Variants in LMO1 observed in about 807,000 individuals in gnomAD.
LMO1 encodes rhombotin-1.
Under a neutral mutation model 18.0 loss-of-function variants are expected in LMO1, and 10 were observed. The observed-to-expected ratio is 0.55, with a 90% CI of 0.34 to 0.94. The LOEUF (loss-of-function observed/expected upper bound fraction) is 0.94. Ranked by LOEUF, LMO1 falls within the 40% of genes least tolerant of loss-of-function variation. The pLI is 0.02. For missense variants in LMO1, 183 were observed against 205.7 expected, an observed-to-expected ratio of 0.89 and a Z score of 0.68; for synonymous variants, 77 against 77.9, an observed-to-expected ratio of 0.99 and a Z score of 0.06.
chr11:8,264,389 T>C (rs1236898180), upstream of LMO1, among the ~76,000 whole-genome samples: 5 of 152,176 alleles, frequency 3.3e-5, no homozygotes, highest in Non-Finnish European at 7.3e-5. Context: ...TGAGCATGTA[T>C]TATGTGCCAA....
At chr11:8,255,818 C>CTTTTTTTTTTTTTTTTTTTT (rs57425549) in intron 1 of LMO1, among the ~76,000 whole-genome samples, 1 of 86,344 alleles carries the variant, frequency 1.2e-5, no homozygotes, top group Non-Finnish European at 2.0e-5. Context: ...CAATGCCGCA[C>CTTTTTTTTTTTTTTTTTTTT]TTTTTTTTTT....
chr11:8,234,127 T>C lies in LMO1; in HGVS notation c.26-3623A>G, dbSNP rs532813852. 1.2e-4 allele frequency among the ~76,000 whole-genome samples: 18 copies of C among 152,060 alleles called. No individual in the cohort carries two copies. In the East Asian group the frequency reaches 3.3e-3, roughly 28 times the overall value. On this transcript the variant is annotated intron_variant, in intron 1 of 3. Coordinates refer to ENST00000335790, the MANE Select transcript of LMO1 (RefSeq NM_002315.3). ...GTCTCAGGATGTGGGGGGAACAACA[T>C]TGGAGGGGAAACAGGCTGAACTCCA...
At chr11:8,225,101 T>G (rs1412430875) in intron 3 of LMO1, among the ~76,000 whole-genome samples, 1 of 151,652 alleles carries the variant, frequency 6.6e-6, no homozygotes, top group Non-Finnish European at 1.5e-5. Context: ...AAAGACCAAG[T>G]GGGGAGACAG....
intron 1 of LMO1, among the ~76,000 whole-genome samples, chr11:8,251,983 T>G (rs1176618693): frequency 3.1e-4 from 37 of 118,008 alleles, no homozygotes; most frequent in Middle Eastern, 5.1e-3. Context: ...TGTGCGTGTG[T>G]GGGGGTGTGC....
chr11:8,228,582 A>G lies in LMO1; in HGVS notation c.240-1482T>C, dbSNP rs937965600. Reference sequence around the variant, plus strand: ...CCATTCTCCAGGCCTGAGCAGCTCAAGGAAGCCACGCTCGCATCCCAGCCC... The same window carrying G: ...CCATTCTCCAGGCCTGAGCAGCTCAGGGAAGCCACGCTCGCATCCCAGCCC... On this transcript the variant is annotated intron_variant, in intron 2 of 3. Coordinates refer to ENST00000335790, the MANE Select transcript of LMO1 (RefSeq NM_002315.3). Among the ~76,000 whole-genome samples the G allele has an allele frequency of 1.4e-4, 21 of 152,184 alleles. No individual in the cohort carries two copies. The East Asian group carries it at 4.1e-3, about 29-fold the overall frequency.
intron 1 of LMO1, among the ~76,000 whole-genome samples, chr11:8,247,606 G>A (rs1355190111): frequency 1.3e-5 from 2 of 152,252 alleles, no homozygotes; most frequent in Admixed American, 6.5e-5. Flanking sequence ...GAGGCGACCA[G>A]CCTCCAATCC....
At position 8,263,346 on chromosome 11, in the gene LMO1, T is replaced by G; in HGVS notation, c.17A>C (p.Lys6Thr). 5 of 1,603,526 alleles carry G rather than the reference T, an allele frequency of 3.1e-6. No homozygotes were observed. The highest frequency in any genetic ancestry group is 3.4e-6 in the Non-Finnish European group (4 of 1,178,408). ...CCCGGCCCGCCACCTACCGTCCTCC[T>G]TGTCCAGCACCATCATCTCGGGCGC... Reference protein sequence around the residue: MMVLDKEDGVPMLSVQ... With the variant: MMVLDTEDGVPMLSVQ... The change falls in exon 1 of 4, where the codon AAG becomes ACG. Residue 6 changes from lysine (K) to threonine (T), a missense_variant. Lys to Thr is a moderately conservative substitution (Grantham distance 78, BLOSUM62 -1). Transcript: ENST00000335790.
intron 1 of LMO1, among the ~76,000 whole-genome samples, chr11:8,246,074 CG>C (rs1352666375): frequency 1.3e-5 from 2 of 152,146 alleles, no homozygotes. Flanking sequence ...GAGCCATCCC[CG>C]TGATCCAATC....
intron 1 of LMO1, among the ~76,000 whole-genome samples, chr11:8,234,758 G>T (rs1297171032): frequency 6.6e-6 from 1 of 152,150 alleles, no homozygotes; most frequent in Non-Finnish European, 1.5e-5. Context: ...GCAGGATCCT[G>T]GAACACAGCT....
At position 8,255,818 on chromosome 11, in the gene LMO1, C is replaced by CTTTTTTTTT. The variant is rs57425549; in HGVS notation, c.25+7511_25+7519dup. 5.4e-4 allele frequency among the ~76,000 whole-genome samples: 47 copies of CTTTTTTTTT among 86,364 alleles called. 4 individuals carry two copies. The highest frequency in any genetic ancestry group is 6.1e-4 in the Non-Finnish European group (30 of 49,576). 56.7% of individuals were successfully genotyped at this position (86,364 alleles called of 152,430 possible). A position where few individuals can be genotyped will look rare whatever the true frequency, so the allele number is the denominator to read the frequency against. On this transcript the variant is annotated intron_variant, in intron 1 of 3. Coordinates refer to ENST00000335790, the MANE Select transcript of LMO1 (RefSeq NM_002315.3). Reference sequence around the variant, plus strand: ...TACATACAGATAGCACAATGCCGCACTTTTTTTTTTTTTTTTTTTTTTTTT... The same window carrying CTTTTTTTTT: ...TACATACAGATAGCACAATGCCGCACTTTTTTTTTTTTTTTTTTTTTTTTTTTTTTTTTT...
At chr11:8,264,535 G>T (rs1322858548), upstream of LMO1, among the ~76,000 whole-genome samples, 1 of 152,184 alleles carries the variant, frequency 6.6e-6, no homozygotes, top group Non-Finnish European at 1.5e-5. Flanking sequence ...CCTGGACCCT[G>T]CTTCTCCCCA....
At chr11:8,240,858 T>C (rs1846778661) in intron 1 of LMO1, among the ~76,000 whole-genome samples, 1 of 152,172 alleles carries the variant, frequency 6.6e-6, no homozygotes, top group Non-Finnish European at 1.5e-5. Context: ...TGGAGCATAG[T>C]GATTCTGGAG....
chr11:8,233,039 G>C (rs771830499), intron 1 of LMO1, among the ~76,000 whole-genome samples: 4 of 152,198 alleles, frequency 2.6e-5, no homozygotes, highest in Admixed American at 6.5e-5. Context: ...AGCCGCCGCA[G>C]GTCCCCCTCC....
chr11:8,260,575 C>G (rs919033779), intron 1 of LMO1, among the ~76,000 whole-genome samples: 10 of 114,150 alleles, frequency 8.8e-5, no homozygotes, highest in Non-Finnish European at 1.9e-4. Context: ...TGCTTAAAAG[C>G]AAAAAAAAAT....
In LMO1 at chr11:8,230,370, A is replaced by G. The variant is rs1441070721; in HGVS notation, c.160T>C (p.Cys54Arg). ...WHEDCLKCAC[C>R]DCRLGEVGST... ...CCCACCTCGCCCAGGCGGCAGTCAC[A>G]GCAGGCACACTTGAGGCAGTCTTCG... The change falls in exon 2 of 4, where the codon TGT becomes CGT. Residue 54 changes from cysteine (C) to arginine (R), a missense_variant. Transcript: ENST00000335790. 6.2e-7 allele frequency: 1 copy of G among 1,614,148 alleles called. No individual in the cohort carries two copies.
intron 1 of LMO1, among the ~76,000 whole-genome samples, chr11:8,232,383 C>G (rs376847929): frequency 6.0e-4 from 91 of 152,290 alleles, no homozygotes; most frequent in Middle Eastern, 3.4e-3. Flanking sequence ...GGAGCAGATA[C>G]CCCTGAGAAC....
chr11:8,226,998 G>A lies in LMO1; in HGVS notation c.342C>T (p.Phe114=), dbSNP rs371558319. ...ARDNVYHLDC[F]ACQLCNQRFC... is the part of the protein sequence containing the mutation. ...ACCTCTGGTTGCAGAGCTGGCAGGC[G>A]AAGCAGTCGAGGTGATACACGTTGT... The change falls in exon 3 of 4, where the codon TTC becomes TTT. Residue 114 remains phenylalanine (F), a synonymous_variant. Coordinates refer to ENST00000335790, the MANE Select transcript of LMO1 (RefSeq NM_002315.3). 12 of 1,613,216 alleles carry A rather than the reference G, an allele frequency of 7.4e-6. No individual in the cohort carries two copies. The African/African-American group carries it at 9.3e-5, about 13-fold the overall frequency.
chr11:8,241,524 T>G (rs1846792813), intron 1 of LMO1, among the ~76,000 whole-genome samples: 2 of 152,234 alleles, frequency 1.3e-5, no homozygotes, highest in Admixed American at 1.3e-4. Context: ...CCTCCCACAC[T>G]GTGCTCCAGC....
chr11:8,228,853 G>A (rs1013283758), intron 2 of LMO1, among the ~76,000 whole-genome samples: 6 of 151,956 alleles, frequency 3.9e-5, no homozygotes, highest in African/African-American at 1.5e-4. Flanking sequence ...AGACATGGAG[G>A]CCCCTTCTAG....
Sources: gnomAD v4.1 joint callset for allele counts (sites outside exome capture counted in the v4.1 genomes callset) on GRCh38, gnomAD v4.1.1 for gene constraint, MANE v1.5 for transcripts, NCBI Gene and HGNC (gene_info 2026-07-23, HGNC 2026-07-21) for gene names.